The following DOCK1 variants were observed in gnomAD, a reference collection of about 807,000 sequenced individuals.
DOCK1 encodes dedicator of cytokinesis protein 1.
Under a neutral mutation model 262.7 loss-of-function variants are expected in DOCK1, and 138 were observed. The ratio of observed to expected loss-of-function variants is 0.53; its 90% CI spans 0.46 to 0.61. The LOEUF is 0.61. DOCK1 is among the 20% of genes least tolerant of loss of function. The pLI is 0.00. For missense variants in DOCK1, 1,908 were observed against 2,370.7 expected, an observed-to-expected ratio of 0.80 and a Z score of 4.05; for synonymous variants, 866 against 867.4, an observed-to-expected ratio of 1.00 and a Z score of 0.03.
At chr10:127,261,246 CATGTGTGTGCAT>C (rs1564944872) in intron 29 of DOCK1, among the ~76,000 whole-genome samples, 5 of 93,292 alleles carry the variant, frequency 5.4e-5, no homozygotes, top group Admixed American at 1.2e-4. Flanking sequence ...TGTGTACCTG[CATGTGTGTGCAT>C]GTGGGTGTGT....
In DOCK1 at chr10:127,000,255, C is replaced by T; in HGVS notation, c.933C>T (p.Asp311=). The stretch of plus-strand genomic sequence containing the variant: ...GCGTGGGTCGCATGGAGCTGAGGGA[C>T]AACAACACCAGGAAACTGACCTCGG... The part of the protein sequence containing the change: ...IVRVGRMELR[D]NNTRKLTSGL... Residue 311 remains aspartate, a synonymous_variant, in exon 10 of 52, where the codon GAC becomes GAT. Transcript: ENST00000623213. 6.2e-7 allele frequency: 1 copy of T among 1,614,026 alleles called. No homozygotes were observed. The highest frequency in any genetic ancestry group is 8.5e-7 in the Non-Finnish European group (1 of 1,179,898).
intron 8 of DOCK1, chr10:126,998,451 G>A (rs1010040890): frequency 2.1e-5 from 12 of 565,140 alleles, no homozygotes; most frequent in African/African-American, 7.4e-5. Flanking sequence ...ACCTTCTTGC[G>A]TGTAGATTGC....
intron 27 of DOCK1, 176 bp downstream of exon 27, chr10:127,127,940 C>G: frequency 2.3e-6 from 1 of 434,460 alleles, no homozygotes; most frequent in Non-Finnish European, 4.0e-6. Flanking sequence ...GTAAGCAAAC[C>G]AACTTTAAAG....
chr10:127,022,202 C>G (rs553746100), intron 13 of DOCK1, among the ~76,000 whole-genome samples: 1 of 152,014 alleles, frequency 6.6e-6, no homozygotes. Flanking sequence ...TTGTTCTTCT[C>G]TCTGTGGTCC....
intron 5 of DOCK1, 118 bp downstream of exon 5, chr10:126,987,735 CAGAG>C: frequency 1.1e-6 from 1 of 946,912 alleles, no homozygotes; most frequent in Non-Finnish European, 1.6e-6. Flanking sequence ...GCTTCCGAGA[CAGAG>C]TTTTACTCGG....
intron 5 of DOCK1, among the ~76,000 whole-genome samples, chr10:126,987,909 G>A (rs1335923321): frequency 6.6e-6 from 1 of 152,088 alleles, no homozygotes; most frequent in Non-Finnish European, 1.5e-5. Flanking sequence ...GGTTGTTTCA[G>A]GCCCCTGGAA....
At chr10:127,136,524 A>G (rs1476199529) in intron 27 of DOCK1, 2 of 152,420 alleles carry the variant, frequency 1.3e-5, no homozygotes, top group African/African-American at 4.8e-5. Flanking sequence ...TCCTATTGTG[A>G]AAATCAAAAA....
intron 23 of DOCK1, among the ~76,000 whole-genome samples, chr10:127,062,797 T>C (rs1371697672): frequency 6.6e-6 from 1 of 152,270 alleles, no homozygotes; most frequent in East Asian, 1.9e-4. Flanking sequence ...AGGGTGTCCA[T>C]GCCCTGGAAA....
chr10:126,982,782 A>G (rs1219226776), intron 4 of DOCK1, among the ~76,000 whole-genome samples: 6 of 152,208 alleles, frequency 3.9e-5, no homozygotes, highest in Admixed American at 3.3e-4. Context: ...GACCTGCAAT[A>G]TGGTACTTTT....
chr10:127,156,711 GGCATAC>G (rs2053117829), intron 27 of DOCK1, among the ~76,000 whole-genome samples: 1 of 151,738 alleles, frequency 6.6e-6, no homozygotes, highest in Non-Finnish European at 1.5e-5. Flanking sequence ...TGGGATTACA[GGCATAC>G]GCCACCACTC....
intron 2 of DOCK1, among the ~76,000 whole-genome samples, chr10:126,973,033 G>A (rs2038231427): frequency 6.6e-6 from 1 of 151,798 alleles, no homozygotes; most frequent in Non-Finnish European, 1.5e-5. Flanking sequence ...GCTCATCTCA[G>A]ACACTTTTCT....
At chr10:127,324,731 CCA>C (rs1218251983) in intron 29 of DOCK1, among the ~76,000 whole-genome samples, 1 of 152,260 alleles carries the variant, frequency 6.6e-6, no homozygotes, top group East Asian at 1.9e-4. Context: ...TCAAAGTCAG[CCA>C]CACACACAGA....
chr10:126,984,593 TTCTGA>T (rs2039224689), intron 4 of DOCK1, among the ~76,000 whole-genome samples: 1 of 151,874 alleles, frequency 6.6e-6, no homozygotes, highest in Admixed American at 6.5e-5. Flanking sequence ...GGTCTTGAAC[TTCTGA>T]CCTTAAGTGA....
intron 35 of DOCK1, among the ~76,000 whole-genome samples, chr10:127,376,513 A>G (rs1290246767): frequency 6.6e-6 from 1 of 152,242 alleles, no homozygotes; most frequent in Non-Finnish European, 1.5e-5. Flanking sequence ...GATCTTACAG[A>G]CAGAAAAGAA....
chr10:127,322,545 C>T (rs980510431), intron 29 of DOCK1, among the ~76,000 whole-genome samples: 1 of 152,056 alleles, frequency 6.6e-6, no homozygotes, highest in Non-Finnish European at 1.5e-5. Context: ...ATGACCCAAT[C>T]CAGCCCTCCA....
intron 1 of DOCK1, among the ~76,000 whole-genome samples, chr10:126,931,690 G>A (rs1178007688): frequency 1.3e-5 from 2 of 152,126 alleles, no homozygotes; most frequent in East Asian, 1.9e-4. Flanking sequence ...ATTCTGAAGC[G>A]GGAGGTGGTA....
intron 10 of DOCK1, among the ~76,000 whole-genome samples, chr10:127,006,241 C>T (rs1183523973): frequency 1.3e-5 from 2 of 152,184 alleles, no homozygotes; most frequent in Admixed American, 6.5e-5. Flanking sequence ...CCTCTCCCTG[C>T]GAGACGTTTC....
intron 29 of DOCK1, among the ~76,000 whole-genome samples, chr10:127,277,767 A>G (rs2135245809): frequency 6.6e-6 from 1 of 152,294 alleles, no homozygotes; most frequent in African/African-American, 2.4e-5. Context: ...CATCTCAAAA[A>G]AAGAACTGAA....
At chr10:127,414,211 C>T (rs944669789) in intron 43 of DOCK1, among the ~76,000 whole-genome samples, 1 of 152,174 alleles carries the variant, frequency 6.6e-6, no homozygotes, top group Admixed American at 6.6e-5. Context: ...CCACGCTTGT[C>T]CCAGTTTTCT....
Sources: allele counts gnomAD v4.1 joint callset (sites outside exome capture counted in the v4.1 genomes callset), GRCh38; gene constraint gnomAD v4.1.1; transcripts MANE v1.5; gene names NCBI Gene and HGNC (gene_info 2026-07-23, HGNC 2026-07-21).